Variants in MEIS2 observed in about 807,000 individuals in gnomAD.
MEIS2 encodes Meis homeobox 2.
MEIS2 carries 9 observed loss-of-function variants against 58.6 expected under a neutral mutation model. The observed-to-expected ratio is 0.15, with a 90% confidence interval of 0.09 to 0.27. The LOEUF (loss-of-function observed/expected upper bound fraction) is 0.27, where lower values mean the gene tolerates loss of function less well. Among genes scored for constraint, MEIS2 ranks in the 10% least tolerant of loss-of-function variants. MEIS2 has a pLI of 1.00. For missense variants in MEIS2, 427 were observed against 635.0 expected (o/e 0.67, Z 3.52); for synonymous variants, 221 against 228.4 (o/e 0.97, Z 0.29).
chr15:37,015,980 G>C (rs533739835), intron 8 of MEIS2, among the ~76,000 whole-genome samples: 1 of 152,022 alleles, frequency 6.6e-6, no homozygotes, highest in Non-Finnish European at 1.5e-5. Context: ...ACAGCACATG[G>C]ATGACTCAAA....
At chr15:37,036,348 T>G (rs1204470493) in intron 8 of MEIS2, 1 of 152,192 alleles carries the variant, frequency 6.6e-6, no homozygotes, top group Non-Finnish European at 1.5e-5. Context: ...CAATTAAAGC[T>G]GCACCTGATA....
At chr15:36,961,384 C>T (rs940481605) in intron 8 of MEIS2, among the ~76,000 whole-genome samples, 8 of 152,112 alleles carry the variant, frequency 5.3e-5, no homozygotes, top group Non-Finnish European at 7.4e-5. Flanking sequence ...TGGATATCTA[C>T]GGACTAAACA....
intron 9 of MEIS2, among the ~76,000 whole-genome samples, chr15:36,926,806 C>A (rs918488280): frequency 1.3e-5 from 2 of 152,196 alleles, no homozygotes; most frequent in Admixed American, 1.3e-4. Flanking sequence ...TTCATTTAAA[C>A]ACATTGCATG....
At chr15:36,957,219 AT>A (rs748556610) in intron 8 of MEIS2, among the ~76,000 whole-genome samples, 1 of 152,204 alleles carries the variant, frequency 6.6e-6, no homozygotes, top group Non-Finnish European at 1.5e-5. Context: ...TAGAGAGTAA[AT>A]TTTAGCATGT....
chr15:36,952,305 T>G (rs2058779763), intron 8 of MEIS2, among the ~76,000 whole-genome samples: 1 of 152,132 alleles, frequency 6.6e-6, no homozygotes, highest in Admixed American at 6.6e-5. Context: ...TCCTGCCAAA[T>G]TCAGGGGAGT....
chr15:37,024,061 C>G (rs1173480367), intron 8 of MEIS2, among the ~76,000 whole-genome samples: 1 of 151,850 alleles, frequency 6.6e-6, no homozygotes, highest in Non-Finnish European at 1.5e-5. Context: ...AGGCACCCAG[C>G]TAATTTTTGT....
chr15:37,056,878 G>A (rs1054642486), intron 7 of MEIS2, among the ~76,000 whole-genome samples: 8 of 152,224 alleles, frequency 5.3e-5, no homozygotes, highest in African/African-American at 1.9e-4. Context: ...AAGAGGCCGA[G>A]CTAGGTTAAG....
In MEIS2 at chr15:37,099,736, TC is replaced by T. The variant is rs1894874964; in HGVS notation, c.-271del. Reference sequence around the variant, plus strand: ...CTCCTCCTCCTCCACCTCCTCCTCCTCCCCCCTCCCCTCCTCCTCCTCTTCG... The same window carrying T: ...CTCCTCCTCCTCCACCTCCTCCTCCTCCCCCTCCCCTCCTCCTCCTCTTCG... On this transcript the variant is annotated 5_prime_UTR_variant, in exon 1 of 12. Transcript: ENST00000561208. 11 of 339,568 alleles carry T rather than the reference TC, an allele frequency of 3.2e-5. No individual in the cohort carries two copies. Among genetic ancestry groups the T allele is most frequent in the East Asian group, 4.8e-5 (1 of 20,816 alleles). The allele number at this position is 339,568 out of a possible 1,614,324, so 21.0% of individuals were successfully genotyped here. A position where few individuals can be genotyped will look rare whatever the true frequency, so the allele number is the denominator to read the frequency against.
chr15:37,045,028 C>T (rs2062605808), intron 7 of MEIS2, among the ~76,000 whole-genome samples: 1 of 152,176 alleles, frequency 6.6e-6, no homozygotes, highest in African/African-American at 2.4e-5. Context: ...TCCCTCCCTC[C>T]ACTCTCCCTG....
intron 8 of MEIS2, among the ~76,000 whole-genome samples, chr15:36,964,481 T>A (rs1056931227): frequency 6.6e-6 from 1 of 152,188 alleles, no homozygotes; most frequent in Non-Finnish European, 1.5e-5. Flanking sequence ...AGGAGACTAA[T>A]GACAAGGGGA....
rs1894896148 is a variant in MEIS2 at position 37,099,904 on chromosome 15, C to A, written c.-438G>T. 6.0e-6 allele frequency: 1 copy of A among 167,418 alleles called. No homozygotes were observed. The highest frequency in any genetic ancestry group is 6.2e-5 in the Admixed American group (1 of 16,206). 10.4% of individuals were successfully genotyped at this position (167,418 alleles called of 1,614,324 possible). A position where few individuals can be genotyped will look rare whatever the true frequency, so the allele number is the denominator to read the frequency against. ...CGGCCCGTCAGCAGCCCACATGTAACCGAACTGTCGTGTTTCATGGCTTTT... is the reference window on the plus strand; with the variant it reads ...CGGCCCGTCAGCAGCCCACATGTAAACGAACTGTCGTGTTTCATGGCTTTT... On this transcript the variant is annotated 5_prime_UTR_variant, in exon 1 of 12. Coordinates refer to ENST00000561208, the MANE Select transcript of MEIS2 (RefSeq NM_170675.5).
chr15:36,896,524 G>T, intron 10 of MEIS2, 104 bp downstream of exon 10: 1 of 856,162 alleles, frequency 1.2e-6, no homozygotes, highest in Non-Finnish European at 1.7e-6. Flanking sequence ...AATCCAGAAT[G>T]CCTGGTGGAA....
chr15:37,044,800 T>A lies in MEIS2; in HGVS notation c.755-7841A>T, dbSNP rs190680613. Among the ~76,000 whole-genome samples, 10 of 152,356 alleles carry A rather than the reference T, an allele frequency of 6.6e-5. 1 individual carries two copies. In the East Asian group the frequency reaches 1.9e-3, roughly 29 times the overall value. On this transcript the variant is annotated intron_variant, in intron 7 of 11. Transcript: ENST00000561208. The stretch of plus-strand genomic sequence containing the variant: ...CTTGCAATTTATCTGTTTACTAGTT[T>A]GTCTGTGAGCTTTTGCTAGTTTGTC...
At chr15:37,016,554 A>C (rs1340927944) in intron 8 of MEIS2, among the ~76,000 whole-genome samples, 4 of 152,170 alleles carry the variant, frequency 2.6e-5, no homozygotes. Flanking sequence ...AAGTAAGAAT[A>C]AGAAACGTCT....
At chr15:37,048,579 C>A (rs901473138) in intron 7 of MEIS2, among the ~76,000 whole-genome samples, 1 of 151,878 alleles carries the variant, frequency 6.6e-6, no homozygotes, top group Non-Finnish European at 1.5e-5. Flanking sequence ...ACAACAAAAA[C>A]GAAGGTTTTT....
chr15:37,099,590 C>G lies in MEIS2; in HGVS notation c.-124G>C, dbSNP rs1478897474. The G allele has an allele frequency of 3.6e-6, 5 of 1,373,536 alleles. No homozygotes were observed. The highest frequency in any genetic ancestry group is 5.0e-6 in the Non-Finnish European group (5 of 1,009,866). The allele number at this position is 1,373,536 out of a possible 1,614,324, so 85.1% of individuals were successfully genotyped here. On this transcript the variant is annotated 5_prime_UTR_variant, in exon 1 of 12. Transcript: ENST00000561208. Reference sequence around the variant, plus strand: ...CAAACCAAAGAGACTTCTCCCAATTCTCCAATATGCTATTTTTTAGGGGGG... The same window carrying G: ...CAAACCAAAGAGACTTCTCCCAATTGTCCAATATGCTATTTTTTAGGGGGG...
intron 8 of MEIS2, among the ~76,000 whole-genome samples, chr15:36,954,897 T>C (rs2058901275): frequency 6.6e-6 from 1 of 152,232 alleles, no homozygotes; most frequent in South Asian, 2.1e-4. Context: ...GCATATATTT[T>C]ATAGAGTTAA....
intron 7 of MEIS2, among the ~76,000 whole-genome samples, chr15:37,051,548 C>T (rs1211059385): frequency 6.6e-6 from 1 of 152,018 alleles, no homozygotes; most frequent in Non-Finnish European, 1.5e-5. Context: ...GTGCTGGTCT[C>T]GTGAGTGTAT....
At position 37,055,345 on chromosome 15, in the gene MEIS2, C is replaced by T. The variant is rs375741134; in HGVS notation, c.755-18386G>A. 2.6e-4 allele frequency among the ~76,000 whole-genome samples: 39 copies of T among 152,208 alleles called. No individual in the cohort carries two copies. In the South Asian group the frequency reaches 7.9e-3, roughly 31 times the overall value. On this transcript the variant is annotated intron_variant, in intron 7 of 11. Coordinates refer to ENST00000561208, the MANE Select transcript of MEIS2 (RefSeq NM_170675.5). Reference sequence around the variant, plus strand: ...CTTACTCCTAGCACATAGAACAGTGCCTGGCACATCATAGGCACTGATGAA... The same window carrying T: ...CTTACTCCTAGCACATAGAACAGTGTCTGGCACATCATAGGCACTGATGAA...
Sources: gnomAD v4.1 joint callset for allele counts (sites outside exome capture counted in the v4.1 genomes callset) on GRCh38, gnomAD v4.1.1 for gene constraint, MANE v1.5 for transcripts, NCBI Gene and HGNC (gene_info 2026-07-23, HGNC 2026-07-21) for gene names.